BNIP2: variants seen among roughly 807,000 people sequenced by gnomAD.
BNIP2 encodes BCL2 interacting protein 2.
In BNIP2, 36 loss-of-function variants were observed where a neutral mutation model predicts 43.4. The ratio of observed to expected loss-of-function variants is 0.83; its 90% CI spans 0.64 to 1.10. BNIP2 has a LOEUF of 1.10. Among genes scored for constraint, BNIP2 ranks in the 50% least tolerant of loss-of-function variants. The pLI, the probability that BNIP2 is intolerant of heterozygous loss-of-function variation, is 0.00. For missense variants in BNIP2, 417 were observed against 374.1 expected (o/e 1.11, Z -0.95); for synonymous variants, 146 against 121.0 (o/e 1.21, Z -1.35).
chr15:59,675,168 G>C (rs1893195745), intron 5 of BNIP2, among the ~76,000 whole-genome samples: 1 of 151,518 alleles, frequency 6.6e-6, no homozygotes, highest in African/African-American at 2.4e-5. Flanking sequence ...CGTATCGCTT[G>C]AGCCTGGGAG....
intron 2 of BNIP2, among the ~76,000 whole-genome samples, chr15:59,680,747 A>C (rs1322690615): frequency 6.6e-6 from 1 of 152,216 alleles, no homozygotes; most frequent in East Asian, 1.9e-4. Flanking sequence ...AGCTAGGACT[A>C]CAGTGGCACA....
At chr15:59,673,107 T>C (rs75104980) in intron 5 of BNIP2, among the ~76,000 whole-genome samples, 1 of 148,976 alleles carries the variant, frequency 6.7e-6, no homozygotes, top group Non-Finnish European at 1.5e-5. Flanking sequence ...ATGATGCTTA[T>C]GGTTAAAGTG....
chr15:59,669,522 C>G (rs527709733), intron 7 of BNIP2, among the ~76,000 whole-genome samples, 160 bp from the exon 8 acceptor site: 117 of 152,324 alleles, frequency 7.7e-4, no homozygotes, highest in Admixed American at 2.4e-3. Context: ...CTCTTAAATT[C>G]TTATGGTCCC....
intron 9 of BNIP2, among the ~76,000 whole-genome samples, chr15:59,667,648 G>A (rs1196533013): frequency 6.6e-6 from 1 of 152,198 alleles, no homozygotes; most frequent in Non-Finnish European, 1.5e-5. Flanking sequence ...ACCAATGTTG[G>A]TTAGCCAAAG....
At chr15:59,670,221 G>A (rs1483005200) in intron 7 of BNIP2, among the ~76,000 whole-genome samples, 4 of 152,190 alleles carry the variant, frequency 2.6e-5, no homozygotes, top group Admixed American at 2.0e-4. Context: ...CTTTAGTCCA[G>A]GAGTTCAAGA....
intron 2 of BNIP2, among the ~76,000 whole-genome samples, chr15:59,681,213 T>TGTCC: frequency 6.6e-6 from 1 of 152,322 alleles, no homozygotes; most frequent in African/African-American, 2.4e-5. Flanking sequence ...ACTGCTAAGC[T>TGTCC]ATCCAACTGC....
rs1157595534 is a variant in BNIP2 at position 59,661,658 on chromosome 15, AT to A, written c.*2410del. Reference sequence around the variant, plus strand: ...TAGAGCCTAGTGACAGAAGCATCAAATTAAGCCAGTTAAATTAGATCCATGA... The same window carrying A: ...TAGAGCCTAGTGACAGAAGCATCAAATAAGCCAGTTAAATTAGATCCATGA... On this transcript the variant is annotated 3_prime_UTR_variant, in exon 10 of 10. Coordinates refer to ENST00000607373, the MANE Select transcript of BNIP2 (RefSeq NM_004330.4). 6.6e-6 allele frequency: 1 copy of A among 152,252 alleles called. No homozygotes were observed. Among genetic ancestry groups the A allele is most frequent in the Non-Finnish European group, 1.5e-5 (1 of 68,046 alleles). The allele number at this position is 152,252 out of a possible 1,614,324, so 9.4% of individuals were successfully genotyped here.
intron 9 of BNIP2, among the ~76,000 whole-genome samples, chr15:59,668,414 T>A (rs371076883): frequency 1.3e-5 from 2 of 152,224 alleles, no homozygotes; most frequent in Non-Finnish European, 2.9e-5. Flanking sequence ...AGAAGTTACA[T>A]GGAAGAATGT....
At chr15:59,672,816 G>T in intron 5 of BNIP2, 77 bp from the exon 6 acceptor site, 2 of 993,318 alleles carry the variant, frequency 2.0e-6, no homozygotes, top group Non-Finnish European at 3.1e-6. Flanking sequence ...TGTATGATTA[G>T]TAAATTATAA....
rs1423106078 is a variant in BNIP2 at position 59,680,226 on chromosome 15, G to C, written c.118+15C>G. ...AAGTCCATAATTTCAATGAAAGTAA[G>C]TGTCAAGCTCTTACCAGGCTGGTCC... On this transcript the variant is annotated intron_variant, in intron 3 of 9. Coordinates refer to ENST00000607373, the MANE Select transcript of BNIP2 (RefSeq NM_004330.4). 2.1e-5 allele frequency: 32 copies of C among 1,524,884 alleles called. No homozygotes were observed. Among genetic ancestry groups the C allele is most frequent in the Non-Finnish European group, 2.8e-5 (32 of 1,127,586 alleles). 94.5% of individuals were successfully genotyped at this position (1,524,884 alleles called of 1,614,324 possible).
intron 1 of BNIP2, among the ~76,000 whole-genome samples, chr15:59,683,733 C>T (rs1238776021): frequency 6.6e-6 from 1 of 152,104 alleles, no homozygotes; most frequent in Non-Finnish European, 1.5e-5. Context: ...GCAGGAGAAT[C>T]GCTTGAACCT....
intron 9 of BNIP2, among the ~76,000 whole-genome samples, chr15:59,665,107 T>C (rs543100081): frequency 6.6e-6 from 1 of 151,316 alleles, no homozygotes; most frequent in South Asian, 2.1e-4. Context: ...CTACTAAAAA[T>C]ACAAAAATTA....
In BNIP2 at chr15:59,669,279, A is replaced by G. The variant is rs142043306; in HGVS notation, c.791T>C (p.Ile264Thr). Residue 264 changes from isoleucine to threonine, a missense_variant, in exon 8 of 10, where the codon ATT becomes ACT. Transcript: ENST00000607373. ...GTCAATGGCTCTCAAAAATTACCTA[A>G]TAAATGGTCTTGTAACAGCCAGAAG... ...RTLLAVTRPF[I>T]SSKFSQKIRY... The G allele has an allele frequency of 1.7e-4, 256 of 1,541,898 alleles. No homozygotes were observed. Among genetic ancestry groups the G allele is most frequent in the Non-Finnish European group, 2.1e-4 (238 of 1,151,204 alleles).
chr15:59,675,891 T>G lies in BNIP2; in HGVS notation c.472+2020A>C, dbSNP rs530623799. Reference sequence around the variant, plus strand: ...ATAGGATGATTTTAGTTACTATATATGAAATTCTAGAAGAGGCAAAACTAA... The same window carrying G: ...ATAGGATGATTTTAGTTACTATATAGGAAATTCTAGAAGAGGCAAAACTAA... On this transcript the variant is annotated intron_variant, in intron 5 of 9. Transcript: ENST00000607373. Among the ~76,000 whole-genome samples, 65 of 152,286 alleles carry G rather than the reference T, an allele frequency of 4.3e-4. 2 individuals carry two copies. The Middle Eastern group carries it at 0.01, about 24-fold the overall frequency.
chr15:59,678,783 T>C, intron 4 of BNIP2: 2 of 1,303,058 alleles, frequency 1.5e-6, no homozygotes, highest in Non-Finnish European at 1.0e-6. Flanking sequence ...TACTGCATGT[T>C]AGTTGTTTCC....
In BNIP2 at chr15:59,689,301, G is replaced by T; in HGVS notation, c.-224C>A. ...CCGCAGCGGTACGGCGTCGGCGGCA[G>T]CAGCTGACCCGGACACAGTGAGAAG... On this transcript the variant is annotated 5_prime_UTR_variant, in exon 1 of 10. The change creates a new upstream start codon in the 5' untranslated region. Transcript: ENST00000607373. 6.5e-7 allele frequency: 1 copy of T among 1,546,770 alleles called. No homozygotes were observed.
chr15:59,671,212 G>A lies in BNIP2; in HGVS notation c.678C>T (p.Leu226=). Residue 226 remains leucine, a synonymous_variant, in exon 7 of 10, where the codon CTC becomes CTT. Transcript: ENST00000607373. ...TATCAATTTGCTGATAACATTTCCT[G>A]AGCCATCCCAGACTGGGCATTTTTC... ...TRRKMPSLGW[L]RKCYQQIDRR... 6.2e-7 allele frequency: 1 copy of A among 1,601,252 alleles called. No homozygotes were observed. Among genetic ancestry groups the A allele is most frequent in the South Asian group, 1.1e-5 (1 of 89,062 alleles).
intron 9 of BNIP2, among the ~76,000 whole-genome samples, chr15:59,664,952 A>G (rs1892478684): frequency 6.6e-6 from 1 of 152,212 alleles, no homozygotes; most frequent in East Asian, 1.9e-4. Context: ...ATTTGTTTTG[A>G]CAGTAAGAAG....
Position 59,660,911 on chromosome 15 carries a change from T to G in BNIP2, c.*3158A>C, listed in dbSNP as rs1395930057. The G allele has an allele frequency of 6.6e-6, 1 of 152,236 alleles. No homozygotes were observed. Among genetic ancestry groups the G allele is most frequent in the Non-Finnish European group, 1.5e-5 (1 of 68,046 alleles). 9.4% of individuals were successfully genotyped at this position (152,236 alleles called of 1,614,324 possible). A position where few individuals can be genotyped will look rare whatever the true frequency, so the allele number is the denominator to read the frequency against. ...AAAGAGAAAATATGAATTCTTATCA[T>G]GGGTATGTATTATCAACTTTTCCCC... On this transcript the variant is annotated 3_prime_UTR_variant, in exon 10 of 10. Coordinates refer to ENST00000607373, the MANE Select transcript of BNIP2 (RefSeq NM_004330.4).
Sources: gnomAD v4.1 joint callset for allele counts (sites outside exome capture counted in the v4.1 genomes callset) on GRCh38, gnomAD v4.1.1 for gene constraint, MANE v1.5 for transcripts, NCBI Gene and HGNC (gene_info 2026-07-23, HGNC 2026-07-21) for gene names.